Variants in SPOCK1 observed in about 807,000 individuals in gnomAD.
SPOCK1 encodes testican-1.
SPOCK1 carries 23 observed loss-of-function variants against 55.3 expected under a neutral mutation model. The ratio of observed to expected loss-of-function variants is 0.42; its 90% CI spans 0.30 to 0.59. SPOCK1 has a LOEUF of 0.59. Among genes scored for constraint, SPOCK1 ranks in the 20% least tolerant of loss-of-function variants. The probability of loss-of-function intolerance (pLI) is 0.22; values close to 1 mark genes in which losing one functional copy is unlikely to be tolerated. For synonymous variants in SPOCK1, 226 were observed against 221.0 expected (o/e 1.02, Z -0.20); for missense variants, 499 against 552.5 (o/e 0.90, Z 0.97).
chr5:137,390,582 C>T (rs1483928982), intron 2 of SPOCK1, among the ~76,000 whole-genome samples: 1 of 152,214 alleles, frequency 6.6e-6, no homozygotes, highest in South Asian at 2.1e-4. Context: ...CACAGTGGTT[C>T]TCCTGGTGAG....
chr5:137,257,441 CT>C (rs1229442533), intron 3 of SPOCK1, among the ~76,000 whole-genome samples: 1 of 152,118 alleles, frequency 6.6e-6, no homozygotes, highest in Non-Finnish European at 1.5e-5. Context: ...CTCGAGCTCT[CT>C]TTCCCCCAAC....
chr5:137,451,764 A>C (rs1384449781), intron 2 of SPOCK1, among the ~76,000 whole-genome samples: 1 of 152,222 alleles, frequency 6.6e-6, no homozygotes, highest in East Asian at 1.9e-4. Flanking sequence ...TGGCTTGTAT[A>C]AGATGCTGCC....
At chr5:136,999,153 C>T (rs1394269005) in intron 6 of SPOCK1, among the ~76,000 whole-genome samples, 4 of 152,100 alleles carry the variant, frequency 2.6e-5, no homozygotes, top group Non-Finnish European at 4.4e-5. Flanking sequence ...AGGAACGCAG[C>T]TGATGGGAGG....
At chr5:136,995,525 G>C (rs1431112178) in intron 6 of SPOCK1, among the ~76,000 whole-genome samples, 1 of 152,148 alleles carries the variant, frequency 6.6e-6, no homozygotes, top group South Asian at 2.1e-4. Flanking sequence ...GAGGAAAATA[G>C]GTTGTGCATT....
chr5:137,313,293 T>G (rs547453249), intron 2 of SPOCK1: 2 of 426,210 alleles, frequency 4.7e-6, no homozygotes, highest in Non-Finnish European at 6.3e-6. Flanking sequence ...TTAGCCTTAT[T>G]GATAGGACAC....
chr5:137,268,741 T>C (rs1282594563), intron 2 of SPOCK1, among the ~76,000 whole-genome samples: 1 of 152,218 alleles, frequency 6.6e-6, no homozygotes, highest in Non-Finnish European at 1.5e-5. Context: ...GATCAACCGT[T>C]CATCCTTCCA....
chr5:137,234,203 T>C (rs781769929), intron 3 of SPOCK1, among the ~76,000 whole-genome samples: 5 of 152,330 alleles, frequency 3.3e-5, no homozygotes, highest in Admixed American at 1.3e-4. Context: ...CCCCAGACAC[T>C]GTGGCCTCTC....
intron 2 of SPOCK1, among the ~76,000 whole-genome samples, chr5:137,401,390 T>C (rs1751973664): frequency 6.6e-6 from 1 of 152,062 alleles, no homozygotes; most frequent in Non-Finnish European, 1.5e-5. Flanking sequence ...AGGTTGACCC[T>C]ATGCAGCAGG....
chr5:137,134,168 C>G (rs1246423428), intron 4 of SPOCK1, among the ~76,000 whole-genome samples: 1 of 152,116 alleles, frequency 6.6e-6, no homozygotes, highest in East Asian at 1.9e-4. Flanking sequence ...CTCAACAATC[C>G]CATCTGTAAA....
intron 3 of SPOCK1, among the ~76,000 whole-genome samples, chr5:137,202,006 C>T (rs1755435091): frequency 6.6e-6 from 1 of 152,230 alleles, no homozygotes; most frequent in South Asian, 2.1e-4. Context: ...AGCCCACTAG[C>T]TTTGCAGCCT....
intron 2 of SPOCK1, among the ~76,000 whole-genome samples, chr5:137,481,778 A>G (rs906023946): frequency 1.3e-4 from 20 of 152,240 alleles, no homozygotes; most frequent in Non-Finnish European, 2.6e-4. Context: ...AGCTGCGGTA[A>G]GTGAGCAGGC....
rs149950789 is a variant in SPOCK1 at position 137,386,697 on chromosome 5, T to A, written c.186+111676A>T. ...GACCTATGTGTAAAATACAAAACTA[T>A]AAAACCCCTAGAAGATAACACAGGA... On this transcript the variant is annotated intron_variant, in intron 2 of 10. Coordinates refer to ENST00000394945, the MANE Select transcript of SPOCK1 (RefSeq NM_004598.4). Among the ~76,000 whole-genome samples, 355 of 152,246 alleles carry A rather than the reference T, an allele frequency of 2.3e-3. 4 individuals carry two copies. The highest frequency in any genetic ancestry group is 2.4e-3 in the Non-Finnish European group (161 of 68,016).
intron 5 of SPOCK1, among the ~76,000 whole-genome samples, chr5:137,103,819 C>A (rs1189471971): frequency 1.3e-5 from 2 of 152,134 alleles, no homozygotes; most frequent in African/African-American, 4.8e-5. Flanking sequence ...TCTATTTAAA[C>A]TAATAGTTGA....
At chr5:137,414,525 A>G (rs763023946) in intron 2 of SPOCK1, among the ~76,000 whole-genome samples, 2 of 152,218 alleles carry the variant, frequency 1.3e-5, no homozygotes, top group Non-Finnish European at 1.5e-5. Flanking sequence ...AAGCCTGAAG[A>G]AACAGGAATG....
intron 2 of SPOCK1, among the ~76,000 whole-genome samples, chr5:137,436,349 A>AT (rs1419505274): frequency 6.6e-6 from 1 of 151,998 alleles, no homozygotes. Context: ...CTCTAATCCC[A>AT]TTTTTTCCAA....
chr5:137,041,345 C>G (rs1751992930), intron 6 of SPOCK1, among the ~76,000 whole-genome samples: 1 of 152,016 alleles, frequency 6.6e-6, no homozygotes, highest in South Asian at 2.1e-4. Context: ...GATGATAGGT[C>G]TAACTGTAAA....
chr5:137,327,370 G>C (rs1041501801), intron 2 of SPOCK1, among the ~76,000 whole-genome samples: 1 of 152,088 alleles, frequency 6.6e-6, no homozygotes, highest in Non-Finnish European at 1.5e-5. Flanking sequence ...AAAAATACAG[G>C]TTTATTTTTA....
intron 2 of SPOCK1, among the ~76,000 whole-genome samples, chr5:137,364,675 GC>G (rs891214390): frequency 1.3e-5 from 2 of 152,018 alleles, no homozygotes; most frequent in African/African-American, 2.4e-5. Context: ...ATCTGAACCT[GC>G]CCCCCCGAGC....
At chr5:137,214,937 GA>G (rs1755686374) in intron 3 of SPOCK1, among the ~76,000 whole-genome samples, 1 of 152,076 alleles carries the variant, frequency 6.6e-6, no homozygotes, top group African/African-American at 2.4e-5. Flanking sequence ...CATTACAAGG[GA>G]AAAGTTAATA....
Sources: gnomAD v4.1 joint callset for allele counts (sites outside exome capture counted in the v4.1 genomes callset) on GRCh38, gnomAD v4.1.1 for gene constraint, MANE v1.5 for transcripts, NCBI Gene and HGNC (gene_info 2026-07-23, HGNC 2026-07-21) for gene names.